SLC25A46: variants seen among roughly 807,000 people sequenced by gnomAD.
SLC25A46 encodes mitochondrial outer membrane protein SLC25A46.
SLC25A46 carries 39 observed loss-of-function variants against 44.6 expected under a neutral mutation model. That is an observed-to-expected ratio of 0.87 (90% CI 0.68 to 1.14). SLC25A46 has a LOEUF of 1.14. Ranked by LOEUF, SLC25A46 falls within the 50% of genes most tolerant of loss-of-function variation. The probability of loss-of-function intolerance (pLI) is 0.00; values close to 1 mark genes in which losing one functional copy is unlikely to be tolerated. For synonymous variants in SLC25A46, 202 were observed against 185.8 expected, an observed-to-expected ratio of 1.09 and a Z score of -0.71; for missense variants, 547 against 522.7, an observed-to-expected ratio of 1.05 and a Z score of -0.45.
rs201039547 is a variant in SLC25A46 at position 110,756,711 on chromosome 5, C to T, written c.630C>T (p.Tyr210=). Residue 210 remains tyrosine, a synonymous_variant, in exon 7 of 8, where the codon TAC becomes TAT. Transcript: ENST00000355943. ...GTTTTAATTTCTATAGCCTAACTTA[C>T]GTGGTGGCAATGCCTTTTTATTCAG... is the stretch of plus-strand genomic sequence containing the variant. ...GEHLLLKSLT[Y]VVAMPFYSAS... 224 of 1,572,414 alleles carry T rather than the reference C, an allele frequency of 1.4e-4. 2 individuals are homozygous for T. In the East Asian group the frequency reaches 2.6e-3, roughly 18 times the overall value.
At chr5:110,738,564 C>T (rs1341997587), upstream of SLC25A46, among the ~76,000 whole-genome samples, 3 of 152,046 alleles carry the variant, frequency 2.0e-5, no homozygotes, top group African/African-American at 7.3e-5. Context: ...GATCCAAAAC[C>T]CCAAGTGCGG....
chr5:110,759,158 G>A (rs916938838), intron 7 of SLC25A46, among the ~76,000 whole-genome samples: 2 of 152,070 alleles, frequency 1.3e-5, no homozygotes, highest in African/African-American at 4.8e-5. Context: ...GGGGAAAGTA[G>A]ACATAAACAA....
intron 7 of SLC25A46, among the ~76,000 whole-genome samples, chr5:110,757,355 C>G (rs901580865): frequency 1.2e-4 from 19 of 152,090 alleles, no homozygotes; most frequent in African/African-American, 4.6e-4. Flanking sequence ...ATGTCTTACC[C>G]TCCTTCCTAC....
At chr5:110,740,678 G>A (rs1205325626) in intron 1 of SLC25A46, among the ~76,000 whole-genome samples, 2 of 152,198 alleles carry the variant, frequency 1.3e-5, no homozygotes, top group African/African-American at 4.8e-5. Flanking sequence ...AAGGCCGGGC[G>A]TGGTGGCTCA....
chr5:110,763,569 T>C lies in SLC25A46; in HGVS notation c.*1787T>C, dbSNP rs1029798935. Reference sequence around the variant, plus strand: ...CAATTAGGATAGTTTCAGATAAGAGTAAACCAGAAAATTTCAAGTTTGAAA... The same window carrying C: ...CAATTAGGATAGTTTCAGATAAGAGCAAACCAGAAAATTTCAAGTTTGAAA... On this transcript the variant is annotated 3_prime_UTR_variant, in exon 8 of 8. Coordinates refer to ENST00000355943, the MANE Select transcript of SLC25A46 (RefSeq NM_138773.4). The C allele has an allele frequency of 2.0e-5, 3 of 151,832 alleles. No homozygotes were observed. Among genetic ancestry groups the C allele is most frequent in the Non-Finnish European group, 4.4e-5 (3 of 67,830 alleles). The allele number at this position is 151,832 out of a possible 1,614,324, so 9.4% of individuals were successfully genotyped here.
In SLC25A46 at chr5:110,764,739, T is replaced by A. The variant is rs1800346709; in HGVS notation, c.*2957T>A. 1 of 151,956 alleles carries A rather than the reference T, an allele frequency of 6.6e-6. No individual in the cohort carries two copies. The highest frequency in any genetic ancestry group is 2.1e-4 in the South Asian group (1 of 4,832). The allele number at this position is 151,956 out of a possible 1,614,324, so 9.4% of individuals were successfully genotyped here. ...GTTGTGGAGGATTTTTGTCCACTGA[T>A]CTTTTGCAACAGAAAAGCATACTTT... is the stretch of plus-strand genomic sequence containing the variant. On this transcript the variant is annotated 3_prime_UTR_variant, in exon 8 of 8. Transcript: ENST00000355943.
upstream of SLC25A46, chr5:110,738,964 T>G (rs1580848927): frequency 4.8e-6 from 7 of 1,445,672 alleles, no homozygotes; most frequent in Non-Finnish European, 4.5e-6. Flanking sequence ...TATAATCACG[T>G]GCTCCGAAGA....
At chr5:110,749,214 G>A (rs529429960) in intron 5 of SLC25A46, among the ~76,000 whole-genome samples, 5 of 152,146 alleles carry the variant, frequency 3.3e-5, no homozygotes, top group African/African-American at 1.2e-4. Flanking sequence ...AGAAGAAAAA[G>A]TTGGAGTAGG....
chr5:110,754,166 CTGT>C (rs1436063340), intron 5 of SLC25A46: 1 of 151,940 alleles, frequency 6.6e-6, no homozygotes, highest in East Asian at 1.9e-4. Context: ...TATGTATATG[CTGT>C]TGTTTTTCAA....
rs1800242050 is a variant in SLC25A46 at position 110,761,273 on chromosome 5, A to G, written c.748A>G (p.Met250Val). 1 of 1,613,672 alleles carries G rather than the reference A, an allele frequency of 6.2e-7. No individual in the cohort carries two copies. Among genetic ancestry groups the G allele is most frequent in the African/African-American group, 1.3e-5 (1 of 75,012 alleles). Residue 250 changes from methionine to valine, a missense_variant, in exon 8 of 8, where the codon ATG becomes GTG. Transcript: ENST00000355943. This position sits in a 1 kb window ranked among gnomAD's most constrained non-coding sequence, Gnocchi z 5.3. ...VKEGIGRVIG[M>V]GVPHSKRLLP... ...AGAAGGAATTGGAAGAGTGATAGGC[A>G]TGGGAGTGCCTCATAGCAAACGACT... is the stretch of plus-strand genomic sequence containing the variant.
chr5:110,749,397 C>T (rs381661), intron 5 of SLC25A46, among the ~76,000 whole-genome samples: 139,487 of 151,834 alleles, frequency 0.92, 64,205 homozygotes, highest in African/African-American at 0.97. Flanking sequence ...AAAGTAGCAG[C>T]TGAAGCTTAG....
At chr5:110,757,030 T>G (rs1160842595) in intron 7 of SLC25A46, 1 of 274,684 alleles carries the variant, frequency 3.6e-6, no homozygotes, top group East Asian at 6.3e-5. Context: ...TATAACTTGC[T>G]CTGAAAACAA....
Position 110,765,072 on chromosome 5 carries a change from T to C in SLC25A46, c.*3290T>C, listed in dbSNP as rs1202499975. Reference sequence around the variant, plus strand: ...AGAGATGTTTTGTCTGTATGACTTTTTTTTTTTTAAGTTTGTCTTACTGTT... The same window carrying C: ...AGAGATGTTTTGTCTGTATGACTTTCTTTTTTTTAAGTTTGTCTTACTGTT... On this transcript the variant is annotated 3_prime_UTR_variant, in exon 8 of 8. Transcript: ENST00000355943. The C allele has an allele frequency of 6.6e-6, 1 of 151,816 alleles. No homozygotes were observed. 9.4% of individuals were successfully genotyped at this position (151,816 alleles called of 1,614,324 possible).
Position 110,739,133 on chromosome 5 carries a change from G to T in SLC25A46, c.14G>T (p.Arg5Leu), listed in dbSNP as rs1272997827. MHPR[R>L]PDGFDGLGYR... ...GCCCCCGCTGCGATGCATCCGCGGC[G>T]CCCGGACGGATTTGATGGCTTGGGC... The change falls in exon 1 of 8, where the codon CGC becomes CTC. Residue 5 changes from arginine (R) to leucine (L), a missense_variant. Coordinates refer to ENST00000355943, the MANE Select transcript of SLC25A46 (RefSeq NM_138773.4). 1 of 1,548,066 alleles carries T rather than the reference G, an allele frequency of 6.5e-7. No homozygotes were observed. Among genetic ancestry groups the T allele is most frequent in the Non-Finnish European group, 8.7e-7 (1 of 1,146,680 alleles).
intron 5 of SLC25A46, among the ~76,000 whole-genome samples, chr5:110,751,360 A>G (rs1580862774): frequency 6.6e-6 from 1 of 152,344 alleles, no homozygotes; most frequent in East Asian, 1.9e-4. Flanking sequence ...CAGTGTCCCT[A>G]GTAACATGAC....
chr5:110,739,373 G>T lies in SLC25A46; in HGVS notation c.254G>T (p.Gly85Val). The T allele has an allele frequency of 1.3e-6, 2 of 1,551,418 alleles. No individual in the cohort carries two copies. The highest frequency in any genetic ancestry group is 2.4e-5 in the South Asian group (2 of 84,834). ...ACGGAGGAACCCTTTTCCAGTGGCGGCGGCGGCAGTGTGCAGGGGCAGAGC... is the reference window on the plus strand; with the variant it reads ...ACGGAGGAACCCTTTTCCAGTGGCGTCGGCGGCAGTGTGCAGGGGCAGAGC... ...GPTEEPFSSGGGGSVQGQSSE... is the reference protein window; with the variant it reads ...GPTEEPFSSGVGGSVQGQSSE... The change falls in exon 1 of 8, where the codon GGC (glycine) becomes GTC (valine). Residue 85 changes from glycine (G) to valine (V), a missense_variant. Physicochemically the swap from Gly to Val is moderately radical, Grantham distance 109. Coordinates refer to ENST00000355943, the MANE Select transcript of SLC25A46 (RefSeq NM_138773.4).
At chr5:110,751,357 C>T (rs1799965320) in intron 5 of SLC25A46, among the ~76,000 whole-genome samples, 1 of 152,024 alleles carries the variant, frequency 6.6e-6, no homozygotes, top group Non-Finnish European at 1.5e-5. Flanking sequence ...AAACAGTGTC[C>T]CTAGTAACAT....
intron 1 of SLC25A46, 29 bp downstream of exon 1, chr5:110,739,431 T>G: frequency 6.6e-7 from 1 of 1,515,350 alleles, no homozygotes; most frequent in Non-Finnish European, 8.8e-7. Context: ...GACACAGGGA[T>G]GAGGGGTTAC....
chr5:110,740,678 G>T (rs1205325626), intron 1 of SLC25A46, among the ~76,000 whole-genome samples: 2 of 152,200 alleles, frequency 1.3e-5, no homozygotes, highest in African/African-American at 4.8e-5. Context: ...AAGGCCGGGC[G>T]TGGTGGCTCA....
Sources: gnomAD v4.1 joint callset for allele counts (sites outside exome capture counted in the v4.1 genomes callset) on GRCh38, gnomAD v4.1.1 for gene constraint, Gnocchi (gnomAD v3.1) non-coding constraint, MANE v1.5 for transcripts, NCBI Gene and HGNC (gene_info 2026-07-23, HGNC 2026-07-21) for gene names.